Variants in NALF1 observed in about 807,000 individuals in gnomAD.
The protein encoded by NALF1 is family with sequence similarity 155 member A.
In NALF1, 3 loss-of-function variants were observed where a neutral mutation model predicts 48.4. The observed-to-expected ratio is 0.06, with a 90% CI of 0.03 to 0.16. The LOEUF (loss-of-function observed/expected upper bound fraction) is 0.16, where lower values mean the gene tolerates loss of function less well. NALF1 is among the 10% of genes least tolerant of loss of function. NALF1 has a pLI of 1.00. For synonymous variants in NALF1, 262 were observed against 245.7 expected (o/e 1.07, Z -0.62); for missense variants, 526 against 571.5 (o/e 0.92, Z 0.81).
At chr13:107,803,899 G>C (rs777394596) in intron 1 of NALF1, among the ~76,000 whole-genome samples, 37 of 152,146 alleles carry the variant, frequency 2.4e-4, no homozygotes, top group Non-Finnish European at 3.8e-4. Flanking sequence ...GGCTCCCAGA[G>C]TCAGTCCATG....
chr13:107,215,506 ATT>A (rs34393569), intron 1 of NALF1, among the ~76,000 whole-genome samples: 11 of 149,720 alleles, frequency 7.3e-5, no homozygotes, highest in South Asian at 4.2e-4. Flanking sequence ...CTTAATGAAG[ATT>A]TTTTTTTTTT....
At chr13:107,464,874 GTA>G (rs1884976164) in intron 1 of NALF1, among the ~76,000 whole-genome samples, 1 of 151,996 alleles carries the variant, frequency 6.6e-6, no homozygotes, top group Admixed American at 6.6e-5. Context: ...ACAAAAAGCA[GTA>G]TATATTTAAT....
chr13:107,839,496 G>T (rs775159170), intron 1 of NALF1, among the ~76,000 whole-genome samples: 1 of 151,038 alleles, frequency 6.6e-6, no homozygotes, highest in Non-Finnish European at 1.5e-5. Context: ...CTGTTGCCAG[G>T]CATTGTACAA....
chr13:107,755,879 C>T (rs1302212899), intron 1 of NALF1, among the ~76,000 whole-genome samples: 1 of 152,012 alleles, frequency 6.6e-6, no homozygotes, highest in Non-Finnish European at 1.5e-5. Flanking sequence ...GCTTATTTGC[C>T]CTCATATTTT....
intron 1 of NALF1, among the ~76,000 whole-genome samples, chr13:107,568,082 A>G (rs752980986): frequency 2.6e-5 from 4 of 151,972 alleles, no homozygotes; most frequent in Non-Finnish European, 1.5e-5. Flanking sequence ...GGCTCAAACA[A>G]TCCTCCTGCT....
intron 1 of NALF1, among the ~76,000 whole-genome samples, chr13:107,793,413 A>G (rs1049482772): frequency 1.3e-5 from 2 of 152,340 alleles, no homozygotes; most frequent in South Asian, 4.1e-4. Context: ...ATTTAGGGTT[A>G]GTCAATGCCA....
chr13:107,852,588 G>A (rs149554380), intron 1 of NALF1, among the ~76,000 whole-genome samples: 6 of 152,182 alleles, frequency 3.9e-5, no homozygotes, highest in Non-Finnish European at 7.4e-5. Context: ...TGATCATTTC[G>A]AGGAAATGCA....
At chr13:107,861,157 C>A (rs1193358277) in intron 1 of NALF1, among the ~76,000 whole-genome samples, 1 of 151,810 alleles carries the variant, frequency 6.6e-6, no homozygotes, top group Non-Finnish European at 1.5e-5. Context: ...AAACATAAAC[C>A]ATAAACTAAA....
intron 1 of NALF1, among the ~76,000 whole-genome samples, chr13:107,245,330 T>C (rs534740131): frequency 6.5e-4 from 99 of 152,348 alleles, no homozygotes; most frequent in African/African-American, 2.2e-3. Flanking sequence ...GTCTCTAGTA[T>C]AAAGTGAAGT....
chr13:107,583,296 T>G (rs761460813), intron 1 of NALF1, among the ~76,000 whole-genome samples: 3 of 152,154 alleles, frequency 2.0e-5, no homozygotes, highest in Non-Finnish European at 4.4e-5. Context: ...GATACGCTTC[T>G]CCACTTCAGG....
intron 2 of NALF1, among the ~76,000 whole-genome samples, chr13:107,198,352 A>T (rs1879436492): frequency 6.6e-6 from 1 of 152,204 alleles, no homozygotes; most frequent in Admixed American, 6.5e-5. Flanking sequence ...TCAAAAGGAG[A>T]TTCATAAAAT....
chr13:107,770,147 T>C (rs1418684764), intron 1 of NALF1, among the ~76,000 whole-genome samples: 11 of 152,134 alleles, frequency 7.2e-5, no homozygotes, highest in Admixed American at 5.9e-4. Context: ...TCTCCTGACC[T>C]CGTGATCCAC....
intron 1 of NALF1, among the ~76,000 whole-genome samples, chr13:107,443,808 G>C (rs1884605925): frequency 6.6e-6 from 1 of 152,108 alleles, no homozygotes; most frequent in Admixed American, 6.5e-5. Context: ...AGGGGTCCTA[G>C]AGAAATATTT....
At chr13:107,527,485 A>C (rs767821130) in intron 1 of NALF1, among the ~76,000 whole-genome samples, 17 of 152,188 alleles carry the variant, frequency 1.1e-4, no homozygotes, top group Non-Finnish European at 2.2e-4. Flanking sequence ...GCAAGTATGC[A>C]CACACAAACA....
chr13:107,630,300 A>T (rs1879800112), intron 1 of NALF1, among the ~76,000 whole-genome samples: 1 of 152,128 alleles, frequency 6.6e-6, no homozygotes, highest in South Asian at 2.1e-4. Flanking sequence ...TCCAGGCAGC[A>T]TTCTTGTTCA....
intron 2 of NALF1, among the ~76,000 whole-genome samples, chr13:107,190,871 G>A (rs1213062920): frequency 1.3e-5 from 2 of 152,182 alleles, no homozygotes; most frequent in East Asian, 3.8e-4. Flanking sequence ...ACATCTCTGA[G>A]AGCAGAAAGG....
At chr13:107,209,361 G>T (rs144497318) in intron 2 of NALF1, among the ~76,000 whole-genome samples, 95 of 152,196 alleles carry the variant, frequency 6.2e-4, no homozygotes, top group Non-Finnish European at 1.1e-3. Context: ...ACAAAAATTA[G>T]CCAGGTGTGG....
intron 1 of NALF1, among the ~76,000 whole-genome samples, chr13:107,325,616 T>G (rs1882336748): frequency 6.6e-6 from 1 of 151,960 alleles, no homozygotes; most frequent in African/African-American, 2.4e-5. Context: ...GGCGGGTAGA[T>G]CACTTGAGGT....
intron 1 of NALF1, among the ~76,000 whole-genome samples, chr13:107,679,322 A>T (rs936947441): frequency 6.6e-6 from 1 of 152,178 alleles, no homozygotes; most frequent in Non-Finnish European, 1.5e-5. Flanking sequence ...CGTTCCTATG[A>T]TAGGATACAA....
Sources: gnomAD v4.1 joint callset for allele counts (sites outside exome capture counted in the v4.1 genomes callset) on GRCh38, gnomAD v4.1.1 for gene constraint, MANE v1.5 for transcripts, NCBI Gene and HGNC (gene_info 2026-07-23, HGNC 2026-07-21) for gene names.